SUMF1: variants seen among roughly 807,000 people sequenced by gnomAD.
The protein encoded by SUMF1 is sulfatase modifying factor 1, also known as formylglycine-generating enzyme.
In SUMF1, 48 loss-of-function variants were observed where a neutral mutation model predicts 47.6. That is an observed-to-expected ratio of 1.01 (90% CI 0.80 to 1.28). The LOEUF is 1.28. Ranked by LOEUF, SUMF1 falls within the 50% of genes most tolerant of loss-of-function variation. The pLI is 0.00. For synonymous variants in SUMF1, 230 were observed against 192.1 expected, an observed-to-expected ratio of 1.20 and a Z score of -1.63; for missense variants, 571 against 485.4, an observed-to-expected ratio of 1.18 and a Z score of -1.66.
rs1204121629 is a variant in SUMF1 at position 4,399,834 on chromosome 3, T to C, written c.954+11031A>G. On this transcript the variant is annotated intron_variant, in intron 7 of 8. Transcript: ENST00000272902. ...GTGCAGTAGCGCGATCTCGGCTCAC[T>C]GTAACCTCTGCCTCCTAGGTTCAAG... 2.0e-5 allele frequency among the ~76,000 whole-genome samples: 3 copies of C among 152,218 alleles called. No individual in the cohort carries two copies. In the East Asian group the frequency reaches 5.8e-4, roughly 29 times the overall value.
chr3:4,258,395 T>C (rs1039100189), intron 8 of SUMF1, among the ~76,000 whole-genome samples: 8 of 142,346 alleles, frequency 5.6e-5, no homozygotes, highest in African/African-American at 2.2e-4. Context: ...GAATCTACAA[T>C]GAACTCAAAC....
chr3:4,317,543 T>C (rs57581495), intron 8 of SUMF1: 5 of 200,244 alleles, frequency 2.5e-5, no homozygotes, highest in African/African-American at 1.2e-4. Context: ...TAAAAAAAGA[T>C]TAAAACATGT....
chr3:4,140,484 A>G (rs1226980704), intron 8 of SUMF1, among the ~76,000 whole-genome samples: 1 of 151,948 alleles, frequency 6.6e-6, no homozygotes, highest in Non-Finnish European at 1.5e-5. Flanking sequence ...GTATTTTGTC[A>G]AGTAGGAAAA....
chr3:4,254,854 C>T (rs1696906728), intron 8 of SUMF1, among the ~76,000 whole-genome samples: 1 of 151,916 alleles, frequency 6.6e-6, no homozygotes, highest in Non-Finnish European at 1.5e-5. Flanking sequence ...ATATTAAGGG[C>T]AGCCAGAGAG....
intron 3 of SUMF1, among the ~76,000 whole-genome samples, chr3:4,435,464 A>T (rs1702366812): frequency 6.6e-6 from 1 of 152,176 alleles, no homozygotes. Flanking sequence ...AAGAGAGGAG[A>T]GATTGGTGTT....
chr3:4,389,116 T>C lies in SUMF1; in HGVS notation c.955-12727A>G, dbSNP rs546326620. ...ATCATTTTCTTTCTGTTTAAGAACA[T>C]TCCTTTAGCCATCCTTTTAGGATAG... On this transcript the variant is annotated intron_variant, in intron 7 of 8. Transcript: ENST00000272902. 7.9e-5 allele frequency among the ~76,000 whole-genome samples: 12 copies of C among 152,298 alleles called. No homozygotes were observed. The South Asian group carries it at 2.3e-3, about 29-fold the overall frequency.
intron 8 of SUMF1, among the ~76,000 whole-genome samples, chr3:4,130,495 C>T (rs901631499): frequency 9.2e-5 from 14 of 152,164 alleles, no homozygotes; most frequent in African/African-American, 3.4e-4. Flanking sequence ...GACCATTACA[C>T]TGATGACATT....
At chr3:4,266,773 T>C (rs1697203685) in intron 8 of SUMF1, among the ~76,000 whole-genome samples, 2 of 147,498 alleles carry the variant, frequency 1.4e-5, no homozygotes, top group Admixed American at 6.8e-5. Flanking sequence ...TGAATAGGAG[T>C]GGTGAGAGAG....
chr3:4,240,109 G>A (rs1221883203), intron 8 of SUMF1, among the ~76,000 whole-genome samples: 2 of 152,134 alleles, frequency 1.3e-5, no homozygotes, highest in Admixed American at 6.5e-5. Context: ...TGTATCCCAG[G>A]GATGAAGCTG....
intron 7 of SUMF1, 95 bp from the exon 8 acceptor site, chr3:4,376,484 A>G: frequency 1.5e-6 from 2 of 1,294,920 alleles, no homozygotes; most frequent in South Asian, 2.4e-5. Flanking sequence ...CAGCTCTCTC[A>G]TGGTTGCCTA....
intron 8 of SUMF1, among the ~76,000 whole-genome samples, chr3:4,182,042 C>A (rs529043472): frequency 1.3e-5 from 2 of 152,270 alleles, no homozygotes; most frequent in East Asian, 3.9e-4. Context: ...AAATACAAGG[C>A]ATACTGTGAT....
intron 8 of SUMF1, among the ~76,000 whole-genome samples, chr3:4,338,413 T>C (rs753959211): frequency 6.6e-6 from 1 of 152,244 alleles, no homozygotes; most frequent in Non-Finnish European, 1.5e-5. Flanking sequence ...AGTGTGGCTT[T>C]ATGAACAACA....
intron 7 of SUMF1, among the ~76,000 whole-genome samples, chr3:4,389,554 C>A (rs989588798): frequency 1.3e-5 from 2 of 152,196 alleles, no homozygotes; most frequent in African/African-American, 4.8e-5. Context: ...TCTTCTCATG[C>A]TGTCTTCTTT....
intron 3 of SUMF1, among the ~76,000 whole-genome samples, chr3:4,432,182 C>G (rs1311320747): frequency 1.3e-5 from 2 of 151,558 alleles, no homozygotes; most frequent in Non-Finnish European, 2.9e-5. Context: ...TTCAACCTTT[C>G]CCAGGAACTC....
chr3:4,361,794 C>G lies in SUMF1; in HGVS notation c.*350G>C, dbSNP rs1453683812. 1 of 313,166 alleles carries G rather than the reference C, an allele frequency of 3.2e-6. No individual in the cohort carries two copies. Among genetic ancestry groups the G allele is most frequent in the Non-Finnish European group, 6.2e-6 (1 of 162,406 alleles). 19.4% of individuals were successfully genotyped at this position (313,166 alleles called of 1,614,324 possible). Reference sequence around the variant, plus strand: ...ATTTGATAGGGGAGGGCACTTGAGGCCCAGGAAGGTCAAGCGTCGGACCTG... The same window carrying G: ...ATTTGATAGGGGAGGGCACTTGAGGGCCAGGAAGGTCAAGCGTCGGACCTG... On this transcript the variant is annotated 3_prime_UTR_variant, in exon 9 of 9. Coordinates refer to ENST00000272902, the MANE Select transcript of SUMF1 (RefSeq NM_182760.4).
At chr3:4,401,802 C>T (rs1701220604) in intron 7 of SUMF1, among the ~76,000 whole-genome samples, 1 of 152,148 alleles carries the variant, frequency 6.6e-6, no homozygotes, top group Non-Finnish European at 1.5e-5. Flanking sequence ...ATAAGCCCAA[C>T]CCATCCTGCT....
intron 8 of SUMF1, among the ~76,000 whole-genome samples, chr3:4,092,538 A>C (rs951464088): frequency 5.3e-5 from 8 of 152,172 alleles, no homozygotes; most frequent in East Asian, 1.9e-4. Flanking sequence ...TCCTAAGTGA[A>C]GAAAACTTGA....
At chr3:4,042,540 C>G (rs189119887) in intron 9 of SUMF1, among the ~76,000 whole-genome samples, 3 of 152,274 alleles carry the variant, frequency 2.0e-5, no homozygotes, top group African/African-American at 7.2e-5. Flanking sequence ...CAATCTCAGA[C>G]TGGTGTCACT....
intron 8 of SUMF1, among the ~76,000 whole-genome samples, chr3:4,176,900 T>C (rs140116167): frequency 0.012 from 1,763 of 152,196 alleles, 33 homozygotes; most frequent in African/African-American, 0.04. Flanking sequence ...TCATCTCTGA[T>C]AAAACAGACT....
Sources: gnomAD v4.1 joint callset for allele counts (sites outside exome capture counted in the v4.1 genomes callset) on GRCh38, gnomAD v4.1.1 for gene constraint, MANE v1.5 for transcripts, NCBI Gene and HGNC (gene_info 2026-07-23, HGNC 2026-07-21) for gene names.